TRPM6: variants seen among roughly 807,000 people sequenced by gnomAD.
TRPM6 encodes transient receptor potential cation channel subfamily M member 6, also known as channel kinase 2.
A neutral mutation model predicts 247.6 loss-of-function variants in TRPM6; 111 were observed. That is an observed-to-expected ratio of 0.45 (90% CI 0.38 to 0.52). The LOEUF (loss-of-function observed/expected upper bound fraction) is 0.52. TRPM6 is among the 20% of genes least tolerant of loss of function. The pLI, the probability that TRPM6 is intolerant of heterozygous loss-of-function variation, is 0.00. For synonymous variants in TRPM6, 892 were observed against 853.8 expected (o/e 1.04, Z -0.78); for missense variants, 2,126 against 2,421.5 (o/e 0.88, Z 2.56).
Position 74,742,586 on chromosome 9 carries a change from T to C in TRPM6, c.5175A>G (p.Ile1725Met). ...RNNLMRLSQT[I>M]PFTPVQLFAG... ...CAAACAGTTGGACTGGTGTAAATGG[T>C]ATGGTCTGAGAAAGCCTCATTAAAT... The change falls in exon 33 of 39, where the codon ATA (isoleucine) becomes ATG (methionine). Residue 1725 changes from isoleucine to methionine, a missense_variant. Physicochemically the swap from Ile to Met is conservative, Grantham distance 10. This residue lies in a region of TRPM6 where 327 missense variants were observed against 397.7 expected (regional missense o/e 0.82). Transcript: ENST00000360774. The C allele has an allele frequency of 6.2e-7, 1 of 1,613,986 alleles. No homozygotes were observed. Among genetic ancestry groups the C allele is most frequent in the Non-Finnish European group, 8.5e-7 (1 of 1,179,972 alleles).
At chr9:74,794,253 G>A (rs930220125) in intron 18 of TRPM6, among the ~76,000 whole-genome samples, 2 of 152,072 alleles carry the variant, frequency 1.3e-5, no homozygotes, top group South Asian at 2.1e-4. Flanking sequence ...TTCTTGCAAC[G>A]TAGCCACAAA....
intron 7 of TRPM6, among the ~76,000 whole-genome samples, chr9:74,824,286 GA>G (rs1304833093): frequency 1.6e-4 from 25 of 151,538 alleles, no homozygotes; most frequent in African/African-American, 5.6e-4. Flanking sequence ...GAATAGCTGG[GA>G]TTACAGGTGC....
chr9:74,816,969 A>C lies in TRPM6; in HGVS notation c.1135-5T>G, dbSNP rs1463712125. Reference sequence around the variant, plus strand: ...GTCAGCATCAAATATGGTAATCTACAACAGTGAAAAACAGAGAGCCATACA... The same window carrying C: ...GTCAGCATCAAATATGGTAATCTACCACAGTGAAAAACAGAGAGCCATACA... On this transcript the variant is annotated splice_polypyrimidine_tract_variant and splice_region_variant and intron_variant, in intron 9 of 38. Coordinates refer to ENST00000360774, the MANE Select transcript of TRPM6 (RefSeq NM_017662.5). 1 of 1,612,444 alleles carries C rather than the reference A, an allele frequency of 6.2e-7. No individual in the cohort carries two copies. Among genetic ancestry groups the C allele is most frequent in the South Asian group, 1.1e-5 (1 of 91,050 alleles).
At chr9:74,726,682 G>T (rs1269822942) in intron 38 of TRPM6, among the ~76,000 whole-genome samples, 1 of 152,166 alleles carries the variant, frequency 6.6e-6, no homozygotes, top group African/African-American at 2.4e-5. Context: ...CTTCAAGAAT[G>T]CAGGCTGCCC....
At chr9:74,745,121 A>G (rs1825991193) in intron 31 of TRPM6, among the ~76,000 whole-genome samples, 1 of 152,270 alleles carries the variant, frequency 6.6e-6, no homozygotes, top group Non-Finnish European at 1.5e-5. Context: ...CAATACAGTT[A>G]AAGTAATATA....
At chr9:74,795,965 C>T (rs889495828) in intron 18 of TRPM6, among the ~76,000 whole-genome samples, 2 of 152,170 alleles carry the variant, frequency 1.3e-5, no homozygotes, top group African/African-American at 4.8e-5. Flanking sequence ...GAAGACAACA[C>T]AGTGACACTC....
At chr9:74,788,479 G>C in intron 20 of TRPM6, 135 bp downstream of exon 20, 1 of 1,036,706 alleles carries the variant, frequency 9.6e-7, no homozygotes, top group Non-Finnish European at 1.5e-6. Context: ...CAGCATGTAA[G>C]TCAAGGTCAG....
At chr9:74,883,242 T>A (rs902756501) in intron 1 of TRPM6, among the ~76,000 whole-genome samples, 2 of 152,226 alleles carry the variant, frequency 1.3e-5, no homozygotes, top group Non-Finnish European at 2.9e-5. Flanking sequence ...TATGCCATAT[T>A]TTGTTTATCC....
rs1830079130 is a variant in TRPM6 at position 74,845,426 on chromosome 9, T to C, written c.153-3083A>G. On this transcript the variant is annotated intron_variant, in intron 3 of 38. Transcript: ENST00000360774. ...AGAAGTGGACAAACAAAATGTGGTATATAAATACCATGGTATATGATTCAG... is the reference window on the plus strand; with the variant it reads ...AGAAGTGGACAAACAAAATGTGGTACATAAATACCATGGTATATGATTCAG... Among the ~76,000 whole-genome samples the C allele has an allele frequency of 2.6e-5, 4 of 152,328 alleles. No individual in the cohort carries two copies. The South Asian group carries it at 8.3e-4, about 32-fold the overall frequency.
intron 23 of TRPM6, among the ~76,000 whole-genome samples, chr9:74,777,394 A>C (rs999596273): frequency 1.3e-5 from 2 of 152,154 alleles, no homozygotes; most frequent in Non-Finnish European, 2.9e-5. Flanking sequence ...TATGGTCTTC[A>C]GTGTGTTCAT....
chr9:74,812,820 G>T (rs1362743080), intron 11 of TRPM6, among the ~76,000 whole-genome samples: 2 of 151,970 alleles, frequency 1.3e-5, no homozygotes, highest in Non-Finnish European at 2.9e-5. Flanking sequence ...AGCCCAAGGG[G>T]TCAAGGCTGC....
At chr9:74,859,076 C>G (rs1830617201) in intron 1 of TRPM6, among the ~76,000 whole-genome samples, 1 of 152,184 alleles carries the variant, frequency 6.6e-6, no homozygotes, top group Admixed American at 6.5e-5. Context: ...ACTTTTATAT[C>G]TTGTACCATA....
chr9:74,810,282 T>C (rs1376957559), intron 13 of TRPM6, among the ~76,000 whole-genome samples: 2 of 152,198 alleles, frequency 1.3e-5, no homozygotes, highest in African/African-American at 4.8e-5. Flanking sequence ...ACTTTAAGTT[T>C]GACCTAACTC....
intron 3 of TRPM6, among the ~76,000 whole-genome samples, chr9:74,846,245 T>C (rs1314953124): frequency 3.3e-5 from 5 of 152,224 alleles, no homozygotes; most frequent in Non-Finnish European, 2.9e-5. Flanking sequence ...AACAAGTCAA[T>C]TTATGGCCCA....
At chr9:74,776,309 G>C (rs1827220650) in intron 23 of TRPM6, among the ~76,000 whole-genome samples, 1 of 151,808 alleles carries the variant, frequency 6.6e-6, no homozygotes, top group Admixed American at 6.6e-5. Context: ...ATTACAATCA[G>C]AGAAAAGAAA....
intron 19 of TRPM6, 142 bp from the exon 20 acceptor site, chr9:74,788,884 G>A (rs1564015022): frequency 4.3e-6 from 4 of 927,652 alleles, no homozygotes; most frequent in East Asian, 2.7e-5. Context: ...TCGGGTTATT[G>A]ATGACCTACT....
intron 23 of TRPM6, among the ~76,000 whole-genome samples, chr9:74,779,933 G>A (rs1045758145): frequency 1.3e-5 from 2 of 152,174 alleles, no homozygotes; most frequent in African/African-American, 4.8e-5. Flanking sequence ...CAGCACTTTG[G>A]GAGGCCAAGG....
At chr9:74,810,910 C>A (rs1828707380) in intron 12 of TRPM6, 42 bp from the exon 13 acceptor site, 1 of 1,541,568 alleles carries the variant, frequency 6.5e-7, no homozygotes, top group African/African-American at 1.4e-5. Flanking sequence ...TCTTTAATTA[C>A]CATGTGCTGG....
intron 1 of TRPM6, among the ~76,000 whole-genome samples, chr9:74,882,559 G>T (rs1459721415): frequency 2.6e-5 from 4 of 152,124 alleles, no homozygotes; most frequent in Non-Finnish European, 5.9e-5. Flanking sequence ...ACCACAATGA[G>T]ATATCATCTC....
Sources: allele counts gnomAD v4.1 joint callset (sites outside exome capture counted in the v4.1 genomes callset), GRCh38; gene constraint gnomAD v4.1.1; regional missense constraint gnomAD v4.1.1; transcripts MANE v1.5; gene names NCBI Gene and HGNC (gene_info 2026-07-23, HGNC 2026-07-21).